Variants in FNBP1 observed in about 807,000 individuals in gnomAD.
The protein encoded by FNBP1 is formin-binding protein 1.
Under a neutral mutation model 90.6 loss-of-function variants are expected in FNBP1, and 26 were observed. That is an observed-to-expected ratio of 0.29 (90% CI 0.21 to 0.40). The LOEUF is 0.40. FNBP1 is among the 10% of genes least tolerant of loss of function. The pLI is 1.00. For synonymous variants in FNBP1, 260 were observed against 265.2 expected (o/e 0.98, Z 0.19); for missense variants, 635 against 768.0 (o/e 0.83, Z 2.05).
intron 1 of FNBP1, among the ~76,000 whole-genome samples, chr9:130,039,676 CAAA>C (rs34484229): frequency 2.5e-4 from 29 of 116,600 alleles, no homozygotes; most frequent in Non-Finnish European, 2.6e-4. Flanking sequence ...AGCTTTGTCT[CAAA>C]AAAAAAAAAA....
At chr9:129,907,077 C>T (rs2038222028) in intron 12 of FNBP1, among the ~76,000 whole-genome samples, 1 of 123,966 alleles carries the variant, frequency 8.1e-6, no homozygotes, top group African/African-American at 3.1e-5. Context: ...TGCGCCTGGC[C>T]CAAGCACGTT....
chr9:129,910,878 A>G (rs1282370080), intron 11 of FNBP1, among the ~76,000 whole-genome samples: 1 of 152,006 alleles, frequency 6.6e-6, no homozygotes, highest in African/African-American at 2.4e-5. Context: ...TGTGTGTGAG[A>G]TAAGAGTTGA....
intron 1 of FNBP1, among the ~76,000 whole-genome samples, chr9:130,012,671 G>A (rs1280209674): frequency 6.6e-6 from 1 of 152,028 alleles, no homozygotes; most frequent in South Asian, 2.1e-4. Context: ...ATGGAGTCTC[G>A]CTCTGTCGCC....
chr9:129,907,158 T>C (rs2038252826), intron 12 of FNBP1, among the ~76,000 whole-genome samples: 2 of 151,986 alleles, frequency 1.3e-5, no homozygotes, highest in South Asian at 4.1e-4. Flanking sequence ...TGATTGGCCC[T>C]TGCATGGTAT....
chr9:129,931,666 T>A (rs1214109556), intron 6 of FNBP1, among the ~76,000 whole-genome samples: 1 of 151,664 alleles, frequency 6.6e-6, no homozygotes, highest in Admixed American at 6.6e-5. Flanking sequence ...GGTGTGGTGA[T>A]GTGTGCCTGT....
In FNBP1 at chr9:129,957,592, C is replaced by T; in HGVS notation, c.409-128G>A. The T allele has an allele frequency of 2.6e-6, 2 of 770,626 alleles. No homozygotes were observed. The highest frequency in any genetic ancestry group is 4.1e-6 in the Non-Finnish European group (2 of 488,556). The allele number at this position is 770,626 out of a possible 1,614,324, so 47.7% of individuals were successfully genotyped here. ...CTTCAGTCAGGGTCTCACTTTGTCA[C>T]CCAGGCTGGAGTGCAGTGGCGCCAT... On this transcript the variant is annotated intron_variant, in intron 5 of 16. Coordinates refer to ENST00000446176, the MANE Select transcript of FNBP1 (RefSeq NM_015033.3). The surrounding 1 kb of genome is among the most constrained non-coding windows in gnomAD (Gnocchi z 4.3).
At chr9:129,992,380 G>C (rs923170040) in intron 2 of FNBP1, among the ~76,000 whole-genome samples, 6 of 152,018 alleles carry the variant, frequency 3.9e-5, no homozygotes, top group Non-Finnish European at 7.4e-5. Flanking sequence ...TGCACACAGG[G>C]CACTAGAAAC....
chr9:130,010,269 C>A (rs898999995), intron 1 of FNBP1, among the ~76,000 whole-genome samples: 1 of 152,146 alleles, frequency 6.6e-6, no homozygotes, highest in African/African-American at 2.4e-5. Flanking sequence ...ATCCCATCTT[C>A]CCTTTGGCAG....
chr9:129,996,311 G>C (rs2053993899), intron 1 of FNBP1, among the ~76,000 whole-genome samples: 1 of 152,150 alleles, frequency 6.6e-6, no homozygotes, highest in South Asian at 2.1e-4. Flanking sequence ...TTAGCAAAGA[G>C]GGCCTGGCCC....
chr9:130,034,685 C>T (rs1192896370), intron 1 of FNBP1, among the ~76,000 whole-genome samples: 1 of 152,184 alleles, frequency 6.6e-6, no homozygotes, highest in Non-Finnish European at 1.5e-5. Flanking sequence ...GTACGAGCTT[C>T]ATTCATGACT....
At chr9:130,008,571 T>C (rs2056130465) in intron 1 of FNBP1, among the ~76,000 whole-genome samples, 1 of 152,176 alleles carries the variant, frequency 6.6e-6, no homozygotes, top group South Asian at 2.1e-4. Flanking sequence ...TTGCTCTTTA[T>C]AATTTAAAAA....
intron 6 of FNBP1, among the ~76,000 whole-genome samples, chr9:129,944,264 C>T (rs897745239): frequency 1.3e-5 from 2 of 151,890 alleles, no homozygotes; most frequent in East Asian, 1.9e-4. Context: ...AAAATATGGC[C>T]GGGTGCGGTA....
At chr9:129,950,911 A>C (rs954586466) in intron 6 of FNBP1, among the ~76,000 whole-genome samples, 1 of 148,510 alleles carries the variant, frequency 6.7e-6, no homozygotes, top group South Asian at 2.1e-4. Context: ...CTCCCACCTC[A>C]GCCTCCTAAG....
At chr9:129,950,787 C>T (rs551441155) in intron 6 of FNBP1, among the ~76,000 whole-genome samples, 4 of 152,104 alleles carry the variant, frequency 2.6e-5, no homozygotes, top group East Asian at 1.9e-4. Flanking sequence ...TTCTCTACTA[C>T]GACTTGTACC....
chr9:130,044,042 A>G (rs1329231207), upstream of FNBP1, among the ~76,000 whole-genome samples: 1 of 152,238 alleles, frequency 6.6e-6, no homozygotes, highest in African/African-American at 2.4e-5. Context: ...GAAGGTTGGT[A>G]AACCCAGCGC....
chr9:130,042,866 G>T lies in FNBP1; in HGVS notation c.24+86C>A, dbSNP rs2059965353. Reference sequence around the variant, plus strand: ...ACCAGCGCGCCCTCGCCTCCGCCCAGCAGCGCGGCCCGCGCCCCCTCCCCA... The same window carrying T: ...ACCAGCGCGCCCTCGCCTCCGCCCATCAGCGCGGCCCGCGCCCCCTCCCCA... On this transcript the variant is annotated intron_variant, in intron 1 of 16. Transcript: ENST00000446176. This position sits in a 1 kb window ranked among gnomAD's most constrained non-coding sequence, Gnocchi z 5.5. The T allele has an allele frequency of 2.0e-6, 2 of 993,112 alleles. No individual in the cohort carries two copies. Among genetic ancestry groups the T allele is most frequent in the South Asian group, 4.6e-5 (1 of 21,850 alleles). The allele number at this position is 993,112 out of a possible 1,614,324, so 61.5% of individuals were successfully genotyped here.
intron 10 of FNBP1, among the ~76,000 whole-genome samples, chr9:129,918,053 C>T (rs576379223): frequency 6.6e-6 from 1 of 152,364 alleles, no homozygotes; most frequent in East Asian, 1.9e-4. Context: ...TACTCGGCTA[C>T]TTTCTTTACG....
intron 4 of FNBP1, among the ~76,000 whole-genome samples, chr9:129,973,802 C>A (rs2049872987): frequency 6.7e-6 from 1 of 148,404 alleles, no homozygotes; most frequent in African/African-American, 2.5e-5. Context: ...CGCGCCTGGC[C>A]TCTTCTTTTT....
intron 4 of FNBP1, among the ~76,000 whole-genome samples, chr9:129,965,447 C>T (rs1017807955): frequency 3.3e-5 from 5 of 152,280 alleles, no homozygotes; most frequent in Middle Eastern, 3.4e-3. Context: ...ATTTTCCCTC[C>T]CTCCTTCTCT....
Sources: allele counts gnomAD v4.1 joint callset (sites outside exome capture counted in the v4.1 genomes callset), GRCh38; gene constraint gnomAD v4.1.1; non-coding constraint Gnocchi (gnomAD v3.1); transcripts MANE v1.5; gene names NCBI Gene and HGNC (gene_info 2026-07-23, HGNC 2026-07-21).